SHC3: variants seen among roughly 807,000 people sequenced by gnomAD.
The protein encoded by SHC3 is SHC adaptor protein 3.
A neutral mutation model predicts 60.4 loss-of-function variants in SHC3; 15 were observed. The ratio of observed to expected loss-of-function variants is 0.25; its 90% CI spans 0.17 to 0.38. The LOEUF is 0.38. Ranked by LOEUF, SHC3 falls within the 10% of genes least tolerant of loss-of-function variation. SHC3 has a pLI of 1.00. For synonymous variants in SHC3, 294 were observed against 325.9 expected, an observed-to-expected ratio of 0.90 and a Z score of 1.05; for missense variants, 677 against 786.1, an observed-to-expected ratio of 0.86 and a Z score of 1.66.
At chr9:89,173,246 T>C (rs1034839258) in intron 1 of SHC3, among the ~76,000 whole-genome samples, 4 of 152,228 alleles carry the variant, frequency 2.6e-5, no homozygotes, top group African/African-American at 7.2e-5. Flanking sequence ...TCTGCTCTAA[T>C]GTCCCCTACC....
chr9:89,025,974 T>A (rs1826290440), intron 11 of SHC3, among the ~76,000 whole-genome samples: 1 of 152,170 alleles, frequency 6.6e-6, no homozygotes, highest in South Asian at 2.1e-4. Context: ...CTGGGCACAG[T>A]GGCTCACGCC....
At chr9:89,049,817 T>C (rs1824834022) in intron 7 of SHC3, among the ~76,000 whole-genome samples, 1 of 152,234 alleles carries the variant, frequency 6.6e-6, no homozygotes, top group Admixed American at 6.5e-5. Flanking sequence ...CGCCGAGCTG[T>C]AACCAATCCA....
Position 89,010,621 on chromosome 9 carries a change from C to G in SHC3, c.*2826G>C, listed in dbSNP as rs1272002447. 1.3e-5 allele frequency: 2 copies of G among 152,476 alleles called. No homozygotes were observed. Among genetic ancestry groups the G allele is most frequent in the Non-Finnish European group, 2.9e-5 (2 of 68,240 alleles). 9.4% of individuals were successfully genotyped at this position (152,476 alleles called of 1,614,324 possible). On this transcript the variant is annotated 3_prime_UTR_variant, in exon 12 of 12. Transcript: ENST00000375835. ...CAGGGCCCAGGTGCACTCTGCAGGA[C>G]CAGGGTGGCCCAGCACAGCAGCAGC...
intron 1 of SHC3, among the ~76,000 whole-genome samples, chr9:89,122,238 T>C (rs1469023964): frequency 1.3e-5 from 2 of 152,236 alleles, no homozygotes; most frequent in Non-Finnish European, 2.9e-5. Flanking sequence ...TGTCCTCTTA[T>C]CCTATCATGC....
intron 1 of SHC3, among the ~76,000 whole-genome samples, chr9:89,175,903 T>G (rs189995175): frequency 2.0e-5 from 3 of 152,316 alleles, no homozygotes; most frequent in Admixed American, 6.5e-5. Flanking sequence ...ATGCGGGAAT[T>G]TGCACATGTG....
intron 1 of SHC3, among the ~76,000 whole-genome samples, chr9:89,151,728 T>C: frequency 6.6e-6 from 1 of 152,214 alleles, no homozygotes; most frequent in African/African-American, 2.4e-5. Context: ...GCCAATAATA[T>C]TTAACAATTT....
chr9:89,025,711 T>C (rs1406794581), intron 11 of SHC3, among the ~76,000 whole-genome samples: 1 of 152,180 alleles, frequency 6.6e-6, no homozygotes, highest in Non-Finnish European at 1.5e-5. Flanking sequence ...AGACACCCAA[T>C]TCCAGCCTGA....
chr9:89,108,313 G>C (rs1340341443), intron 2 of SHC3, among the ~76,000 whole-genome samples: 1 of 151,430 alleles, frequency 6.6e-6, no homozygotes, highest in African/African-American at 2.4e-5. Context: ...AGGAGTTAGA[G>C]AGCAGCCTGG....
chr9:89,110,304 A>T, intron 2 of SHC3: 1 of 984,618 alleles, frequency 1.0e-6, no homozygotes, highest in Non-Finnish European at 1.2e-6. Flanking sequence ...ATCTGCTTAT[A>T]AAAATATTTT....
intron 2 of SHC3, among the ~76,000 whole-genome samples, chr9:89,084,280 GA>G (rs1825492952): frequency 6.6e-6 from 1 of 152,148 alleles, no homozygotes; most frequent in East Asian, 1.9e-4. Flanking sequence ...GTTTACTCCA[GA>G]AAGGTGTTTA....
intron 7 of SHC3, among the ~76,000 whole-genome samples, chr9:89,047,968 G>A (rs992629703): frequency 2.0e-5 from 3 of 152,170 alleles, no homozygotes; most frequent in Admixed American, 6.5e-5. Flanking sequence ...AGGTAGGGCC[G>A]GGCGCAGTGG....
At chr9:89,015,042 C>A (rs1826071920) in intron 11 of SHC3, among the ~76,000 whole-genome samples, 1 of 152,216 alleles carries the variant, frequency 6.6e-6, no homozygotes, top group African/African-American at 2.4e-5. Flanking sequence ...CTAAGCCTCA[C>A]TAAGGATGTA....
Position 89,052,018 on chromosome 9 carries a change from G to C in SHC3, c.962+19C>G. On this transcript the variant is annotated intron_variant, in intron 7 of 11. Coordinates refer to ENST00000375835, the MANE Select transcript of SHC3 (RefSeq NM_016848.6). ...AAACCCACATAGGCTATTGCAAATG[G>C]TGTCACAGCACTACTCACCGATCAT... 1 of 1,612,346 alleles carries C rather than the reference G, an allele frequency of 6.2e-7. No homozygotes were observed. The highest frequency in any genetic ancestry group is 8.5e-7 in the Non-Finnish European group (1 of 1,178,862).
intron 6 of SHC3, among the ~76,000 whole-genome samples, chr9:89,062,394 T>G (rs1013029207): frequency 1.4e-4 from 21 of 152,186 alleles, no homozygotes; most frequent in African/African-American, 5.1e-4. Flanking sequence ...ATGGTGGTGG[T>G]GGTGGTTACC....
intron 1 of SHC3, among the ~76,000 whole-genome samples, chr9:89,168,080 GA>G (rs1334909322): frequency 1.3e-5 from 2 of 152,236 alleles, no homozygotes; most frequent in African/African-American, 2.4e-5. Context: ...CCTGTGGGCA[GA>G]GTCACAGTTT....
At position 89,154,415 on chromosome 9, in the gene SHC3, G is replaced by A. The variant is rs1826592374; in HGVS notation, c.474+23572C>T. Among the ~76,000 whole-genome samples the A allele has an allele frequency of 2.6e-5, 4 of 152,176 alleles. 1 individual carries two copies. Among genetic ancestry groups the A allele is most frequent in the East Asian group, 3.9e-4 (2 of 5,186 alleles). ...CTGAGCCGGAATGCATGTCAGTGCAGCCCAGCACACAGGCCCTGTGAGGAG... is the reference window on the plus strand; with the variant it reads ...CTGAGCCGGAATGCATGTCAGTGCAACCCAGCACACAGGCCCTGTGAGGAG... On this transcript the variant is annotated intron_variant, in intron 1 of 11. Transcript: ENST00000375835.
chr9:89,178,725 T>TG lies in SHC3; in HGVS notation c.-266dup. On this transcript the variant is annotated 5_prime_UTR_variant, in exon 1 of 12. Coordinates refer to ENST00000375835, the MANE Select transcript of SHC3 (RefSeq NM_016848.6). The surrounding 1 kb of genome is among the most constrained non-coding windows in gnomAD (Gnocchi z 6.9). ...GCTTTGCAAAAGTCATAGTTGCCTC[T>TG]GATGGAGCGCCCAGCTGCTTGGGGC... 2.8e-6 allele frequency: 1 copy of TG among 352,832 alleles called. No homozygotes were observed. Among genetic ancestry groups the TG allele is most frequent in the Non-Finnish European group, 5.1e-6 (1 of 195,546 alleles). 21.9% of individuals were successfully genotyped at this position (352,832 alleles called of 1,614,324 possible).
intron 9 of SHC3, among the ~76,000 whole-genome samples, chr9:89,044,472 A>C: frequency 6.6e-6 from 1 of 152,248 alleles, no homozygotes; most frequent in East Asian, 1.9e-4. Flanking sequence ...TGAAGGAATA[A>C]GCCTCAACAT....
chr9:89,130,523 C>T (rs1826229018), intron 1 of SHC3, among the ~76,000 whole-genome samples: 1 of 152,218 alleles, frequency 6.6e-6, no homozygotes, highest in African/African-American at 2.4e-5. Flanking sequence ...AATTAAAGCA[C>T]TCCTCGGCAA....
Sources: gnomAD v4.1 joint callset for allele counts (sites outside exome capture counted in the v4.1 genomes callset) on GRCh38, gnomAD v4.1.1 for gene constraint, Gnocchi (gnomAD v3.1) non-coding constraint, MANE v1.5 for transcripts, NCBI Gene and HGNC (gene_info 2026-07-23, HGNC 2026-07-21) for gene names.